The following ABCC12 variants were observed in gnomAD, a reference collection of about 807,000 sequenced individuals.
ABCC12 encodes ATP binding cassette subfamily C member 12.
A neutral mutation model predicts 151.1 loss-of-function variants in ABCC12; 142 were observed. The observed-to-expected ratio is 0.94, with a 90% CI of 0.82 to 1.08. The LOEUF is 1.08. Ranked by LOEUF, ABCC12 falls within the 50% of genes least tolerant of loss-of-function variation. ABCC12 has a pLI of 0.00. For synonymous variants in ABCC12, 645 were observed against 646.4 expected (o/e 1.00, Z 0.03); for missense variants, 1,638 against 1,691.1 (o/e 0.97, Z 0.55).
At position 48,138,320 on chromosome 16, in the gene ABCC12, T is replaced by C. The variant is rs757271283; in HGVS notation, c.887A>G (p.Asp296Gly). The C allele has an allele frequency of 4.8e-5, 78 of 1,613,892 alleles. No individual in the cohort carries two copies. Among genetic ancestry groups the C allele is most frequent in the Non-Finnish European group, 6.4e-5 (76 of 1,179,880 alleles). ...CTCATTCATTGTCTGAACTCGCTTG[T>C]CTGTCACCAAAATTGCTGACCTTCG... ...AFRRSAILVT[D>G]KRVQTMNEFL... is the part of the protein sequence containing the mutation. Residue 296 changes from aspartate to glycine, a missense_variant, in exon 8 of 31, where the codon GAC becomes GGC. By Grantham distance (94) the Asp-to-Gly change is moderately conservative. Coordinates refer to ENST00000311303, the MANE Select transcript of ABCC12 (RefSeq NM_001393797.1).
chr16:48,146,158 A>G (rs1964993190), intron 3 of ABCC12, 148 bp downstream of exon 3: 1 of 709,742 alleles, frequency 1.4e-6, no homozygotes, highest in Non-Finnish European at 2.4e-6. Context: ...TGAGTGACTG[A>G]TAAATGAATG....
chr16:48,131,753 T>G (rs1964433472), intron 9 of ABCC12, among the ~76,000 whole-genome samples: 1 of 152,246 alleles, frequency 6.6e-6, no homozygotes. Context: ...TGATCCTGCC[T>G]GCTGTTAAAT....
chr16:48,101,102 C>A, intron 22 of ABCC12, 93 bp from the exon 23 acceptor site: 1 of 1,450,206 alleles, frequency 6.9e-7, no homozygotes, highest in East Asian at 2.4e-5. Flanking sequence ...GCACTCAGCA[C>A]AGTGCTTAAG....
At chr16:48,105,937 C>T (rs1963478484) in intron 20 of ABCC12, among the ~76,000 whole-genome samples, 1 of 152,132 alleles carries the variant, frequency 6.6e-6, no homozygotes, top group Non-Finnish European at 1.5e-5. Context: ...CCAGTGAATA[C>T]AAGTGGCTTT....
intron 2 of ABCC12, among the ~76,000 whole-genome samples, chr16:48,149,952 T>G (rs888657195): frequency 2.0e-5 from 3 of 152,258 alleles, no homozygotes; most frequent in African/African-American, 7.2e-5. Flanking sequence ...GGCATATGTA[T>G]GGAGCACTGC....
At chr16:48,111,540 A>T in intron 17 of ABCC12, 33 bp from the exon 18 acceptor site, 2 of 1,613,946 alleles carry the variant, frequency 1.2e-6, no homozygotes, top group Non-Finnish European at 1.7e-6. Context: ...ATCTGTGTCC[A>T]TTCAAGCCAA....
chr16:48,130,590 C>T (rs1964388735), intron 10 of ABCC12, among the ~76,000 whole-genome samples, 198 bp downstream of exon 10: 1 of 152,184 alleles, frequency 6.6e-6, no homozygotes, highest in Non-Finnish European at 1.5e-5. Flanking sequence ...GTCATTCCTA[C>T]AGACAACCTA....
At chr16:48,107,264 G>T in intron 20 of ABCC12, 58 bp downstream of exon 20, 1 of 1,515,916 alleles carries the variant, frequency 6.6e-7, no homozygotes, top group East Asian at 2.2e-5. Context: ...TGCTCTGGCA[G>T]CAGAGTTTTA....
chr16:48,134,794 T>C (rs1386603942), intron 8 of ABCC12, among the ~76,000 whole-genome samples: 1 of 152,190 alleles, frequency 6.6e-6, no homozygotes, highest in East Asian at 1.9e-4. Context: ...GGCTCACGCC[T>C]GTAATCCCAG....
rs773417201 is a variant in ABCC12, at chr16:48,133,749, T to G, written c.1066A>C (p.Ile356Leu). ...CAGGATAATGTCAGCACGATGGCTA[T>G]GGTGGACACGATGGGGGCCAGGGCA... The part of the protein sequence containing the change: ...NSALAPIVST[I>L]AIVLTLSCHI... Residue 356 changes from isoleucine (I) to leucine (L), a missense_variant, in exon 9 of 31, where the codon ATA (isoleucine) becomes CTA (leucine). Physicochemically the swap from Ile to Leu is conservative, Grantham distance 5 (BLOSUM62 2). Coordinates refer to ENST00000311303, the MANE Select transcript of ABCC12 (RefSeq NM_001393797.1). 4.3e-6 allele frequency: 7 copies of G among 1,613,986 alleles called. No individual in the cohort carries two copies. Among genetic ancestry groups the G allele is most frequent in the African/African-American group, 1.3e-5 (1 of 74,902 alleles).
chr16:48,130,872 A>C lies in ABCC12; in HGVS notation c.1152T>G (p.Phe384Leu). The stretch of plus-strand genomic sequence containing the variant: ...TTGCAATGGAAAACTTCATTACATT[A>C]AACATGGCAATCACACTAAATGCCT... ...APVAFSVIAM[F>L]NVMKFSIAIL... Residue 384 changes from phenylalanine (F) to leucine (L), a missense_variant, in exon 10 of 31, where the codon TTT becomes TTG. Phe to Leu is a conservative substitution (Grantham distance 22). Transcript: ENST00000311303. The C allele has an allele frequency of 1.2e-6, 2 of 1,612,666 alleles. No individual in the cohort carries two copies. Among genetic ancestry groups the C allele is most frequent in the Non-Finnish European group, 1.7e-6 (2 of 1,178,920 alleles).
At chr16:48,101,161 G>T in intron 22 of ABCC12, 152 bp from the exon 23 acceptor site, 2 of 962,972 alleles carry the variant, frequency 2.1e-6, no homozygotes, top group Non-Finnish European at 3.0e-6. Context: ...CTGCCATTCT[G>T]CAGTGGTGCC....
At chr16:48,152,055 A>G (rs985359076) in intron 2 of ABCC12, among the ~76,000 whole-genome samples, 4 of 152,186 alleles carry the variant, frequency 2.6e-5, no homozygotes, top group Non-Finnish European at 5.9e-5. Context: ...AGTCGAGACA[A>G]GGCTTGGCAT....
At chr16:48,101,052 G>T in intron 22 of ABCC12, 43 bp from the exon 23 acceptor site, 1 of 1,603,710 alleles carries the variant, frequency 6.2e-7, no homozygotes, top group Non-Finnish European at 8.5e-7. Flanking sequence ...ACAAAGTGAG[G>T]TCTCATCAGG....
rs775283730 is a variant in ABCC12 at position 48,096,313 on chromosome 16, G to A, written c.3195+433C>T. Among the ~76,000 whole-genome samples the A allele has an allele frequency of 1.6e-4, 25 of 152,160 alleles. 1 individual carries two copies. Among genetic ancestry groups the A allele is most frequent in the East Asian group, 5.8e-4 (3 of 5,200 alleles). On this transcript the variant is annotated intron_variant, in intron 24 of 30. Transcript: ENST00000311303. ...CCAACCCTAGCCTAACCAATGATCCGTATCCCATCAAACCACTAATTAGTT... is the reference window on the plus strand; with the variant it reads ...CCAACCCTAGCCTAACCAATGATCCATATCCCATCAAACCACTAATTAGTT...
chr16:48,102,334 G>A (rs961130256), intron 22 of ABCC12, among the ~76,000 whole-genome samples: 4 of 152,146 alleles, frequency 2.6e-5, no homozygotes, highest in African/African-American at 4.8e-5. Flanking sequence ...ACCTCTAGAG[G>A]GTATTTAAAC....
At chr16:48,130,052 G>C (rs1964368990) in intron 10 of ABCC12, among the ~76,000 whole-genome samples, 1 of 152,190 alleles carries the variant, frequency 6.6e-6, no homozygotes, top group Non-Finnish European at 1.5e-5. Context: ...GCATGAATCA[G>C]GATGCTTACG....
At chr16:48,124,355 AC>A in intron 11 of ABCC12, 71 bp from the exon 12 acceptor site, 3 of 1,479,908 alleles carry the variant, frequency 2.0e-6, no homozygotes, top group Non-Finnish European at 2.8e-6. Flanking sequence ...CAAAGGTGCC[AC>A]TCCCAAACTA....
rs762146674 is a variant in ABCC12, at chr16:48,140,689, C to T, written c.655G>A (p.Glu219Lys). 51 of 1,613,702 alleles carry T rather than the reference C, an allele frequency of 3.2e-5. No individual in the cohort carries two copies. The highest frequency in any genetic ancestry group is 4.1e-5 in the Non-Finnish European group (48 of 1,179,810). ...TAAACTCCTCTGAGCCAGCTTACCTCGCCAACAGAGATGTGGGTCAATGTC... is the reference window on the plus strand; with the variant it reads ...TAAACTCCTCTGAGCCAGCTTACCTTGCCAACAGAGATGTGGGTCAATGTC... ...FKTLTHISVG[E>K]VLNILSSDSY... Residue 219 changes from glutamate to lysine, a missense_variant and splice_region_variant, in exon 6 of 31, where the codon GAG (glutamate) becomes AAG (lysine). Transcript: ENST00000311303.
Sources: gnomAD v4.1 joint callset for allele counts (sites outside exome capture counted in the v4.1 genomes callset) on GRCh38, gnomAD v4.1.1 for gene constraint, MANE v1.5 for transcripts, NCBI Gene and HGNC (gene_info 2026-07-23, HGNC 2026-07-21) for gene names.